RNF149: variants seen among roughly 807,000 people sequenced by gnomAD.
RNF149 encodes the protein E3 ubiquitin-protein ligase RNF149.
Under a neutral mutation model 39.0 loss-of-function variants are expected in RNF149, and 21 were observed. The ratio of observed to expected loss-of-function variants is 0.54; its 90% confidence interval spans 0.38 to 0.77. RNF149 has a LOEUF of 0.77. RNF149 is among the 30% of genes least tolerant of loss of function. The pLI is 0.00. For synonymous variants in RNF149, 209 were observed against 213.6 expected, an observed-to-expected ratio of 0.98 and a Z score of 0.19; for missense variants, 493 against 534.9, an observed-to-expected ratio of 0.92 and a Z score of 0.77.
rs575512430 is a variant in RNF149 at position 101,295,030 on chromosome 2, C to A, written c.612G>T (p.Val204=). ...EFISGQSVVF[V]AIAFITMMII... ...TCATCATGGTGATGAAGGCAATGGC[C>A]ACAAACACCACAGACTGACCGCTGA... The change falls in exon 2 of 7, where the codon GTG becomes GTT. Residue 204 remains valine (V), a synonymous_variant. Transcript: ENST00000295317. The A allele has an allele frequency of 2.7e-5, 43 of 1,614,118 alleles. No homozygotes were observed. In the South Asian group the frequency reaches 4.1e-4, roughly 15 times the overall value.
At chr2:101,290,540 CTT>C (rs1397866428) in intron 3 of RNF149, among the ~76,000 whole-genome samples, 3 of 152,010 alleles carry the variant, frequency 2.0e-5, no homozygotes, top group Non-Finnish European at 4.4e-5. Context: ...AAACATAAAA[CTT>C]ATAATAAAAA....
chr2:101,292,627 G>A (rs1472090832), intron 3 of RNF149, among the ~76,000 whole-genome samples: 28 of 152,150 alleles, frequency 1.8e-4, no homozygotes, highest in Admixed American at 1.6e-3. Context: ...TTAGCTGGGC[G>A]TGGTGGCAGG....
intron 3 of RNF149, among the ~76,000 whole-genome samples, chr2:101,289,445 G>A (rs1011785924): frequency 4.6e-5 from 7 of 151,910 alleles, no homozygotes; most frequent in African/African-American, 7.3e-5. Flanking sequence ...AGTGGTTCAC[G>A]CCTATAATCC....
At chr2:101,294,720 G>C (rs1161050161) in intron 2 of RNF149, 2 of 532,028 alleles carry the variant, frequency 3.8e-6, no homozygotes, top group Non-Finnish European at 6.6e-6. Context: ...ATGTGCAAAA[G>C]GTAACCCAGA....
At position 101,277,292 on chromosome 2, in the gene RNF149, G is replaced by A; in HGVS notation, c.1160-11C>T. On this transcript the variant is annotated splice_polypyrimidine_tract_variant and intron_variant, in intron 6 of 6. Coordinates refer to ENST00000295317, the MANE Select transcript of RNF149 (RefSeq NM_173647.4). ...CACTCCTGCCGGCTTCTGCAAGAGA[G>A]CAACATAAGCTACTCCATCAGAAGA... 6.2e-7 allele frequency: 1 copy of A among 1,611,494 alleles called. No individual in the cohort carries two copies. The highest frequency in any genetic ancestry group is 8.5e-7 in the Non-Finnish European group (1 of 1,178,742).
At position 101,308,684 on chromosome 2, in the gene RNF149, G is replaced by T; in HGVS notation, c.-96C>A. The T allele has an allele frequency of 8.6e-7, 1 of 1,163,386 alleles. No homozygotes were observed. Among genetic ancestry groups the T allele is most frequent in the Non-Finnish European group, 1.2e-6 (1 of 868,802 alleles). The allele number at this position is 1,163,386 out of a possible 1,614,324, so 72.1% of individuals were successfully genotyped here. On this transcript the variant is annotated 5_prime_UTR_variant, in exon 1 of 7. Coordinates refer to ENST00000295317, the MANE Select transcript of RNF149 (RefSeq NM_173647.4). ...GAAGCGGACACCCACCGCCGCCCTG[G>T]AAGACTGAGGCGGGGTCGGGGCCGC...
rs1396134542 is a variant in RNF149, at chr2:101,275,728, A to G, written c.*1510T>C. 1.1e-6 allele frequency: 1 copy of G among 917,560 alleles called. No individual in the cohort carries two copies. The highest frequency in any genetic ancestry group is 1.3e-6 in the Non-Finnish European group (1 of 768,452). 56.8% of individuals were successfully genotyped at this position (917,560 alleles called of 1,614,324 possible). Reference sequence around the variant, plus strand: ...AGTGCTGGGATTACAGGCGTGAGCCACCGCGCCCGGCCCTCCTAGTATTTC... The same window carrying G: ...AGTGCTGGGATTACAGGCGTGAGCCGCCGCGCCCGGCCCTCCTAGTATTTC... On this transcript the variant is annotated 3_prime_UTR_variant, in exon 7 of 7. Transcript: ENST00000295317.
In RNF149 at chr2:101,282,077, G is replaced by GA. The variant is rs755127339; in HGVS notation, c.961-21dup. On this transcript the variant is annotated intron_variant, in intron 5 of 6. Transcript: ENST00000295317. ...CTCTCCCTTGAGAATTAGAACAGAA[G>GA]AAAAAACATGATCAAAGCTTAAAAC... is the stretch of plus-strand genomic sequence containing the variant. The GA allele has an allele frequency of 1.2e-6, 2 of 1,611,436 alleles. No homozygotes were observed. The highest frequency in any genetic ancestry group is 1.7e-6 in the Non-Finnish European group (2 of 1,179,194).
intron 1 of RNF149, among the ~76,000 whole-genome samples, chr2:101,307,029 T>C (rs1683690511): frequency 1.3e-5 from 2 of 152,230 alleles, no homozygotes; most frequent in Non-Finnish European, 2.9e-5. Flanking sequence ...TAACAGAGTA[T>C]GTTCACTCTC....
downstream of RNF149, among the ~76,000 whole-genome samples, chr2:101,273,500 G>C (rs6710491): frequency 4.4e-3 from 643 of 144,756 alleles, 3 homozygotes; most frequent in African/African-American, 0.015. Flanking sequence ...TTTTTGACAG[G>C]GTCTCACTCT....
intron 1 of RNF149, chr2:101,307,916 A>G: frequency 1.0e-6 from 1 of 985,450 alleles, no homozygotes; most frequent in Non-Finnish European, 1.2e-6. Flanking sequence ...TCAAAGGCGA[A>G]GATCACATCT....
intron 1 of RNF149, among the ~76,000 whole-genome samples, chr2:101,297,348 GT>G (rs1474331444): frequency 1.3e-5 from 2 of 152,066 alleles, no homozygotes; most frequent in African/African-American, 4.8e-5. Flanking sequence ...AATAAAAACG[GT>G]TTTTTGTTTT....
chr2:101,285,085 A>C (rs1348943068), intron 5 of RNF149, among the ~76,000 whole-genome samples: 5 of 151,886 alleles, frequency 3.3e-5, no homozygotes, highest in Non-Finnish European at 7.4e-5. Context: ...TTTAGGAGAG[A>C]CAGGGTTTCA....
At chr2:101,296,620 T>TA (rs35994862) in intron 1 of RNF149, among the ~76,000 whole-genome samples, 6 of 152,074 alleles carry the variant, frequency 3.9e-5, no homozygotes, top group South Asian at 4.1e-4. Context: ...ATGAATTATT[T>TA]AAAAAATCAC....
chr2:101,284,992 T>C (rs1682739688), intron 5 of RNF149, among the ~76,000 whole-genome samples: 1 of 152,176 alleles, frequency 6.6e-6, no homozygotes, highest in Non-Finnish European at 1.5e-5. Flanking sequence ...CCTCCCAGAC[T>C]CATGCGATCC....
intron 1 of RNF149, among the ~76,000 whole-genome samples, chr2:101,307,485 T>C (rs1683711133): frequency 6.6e-6 from 1 of 152,178 alleles, no homozygotes; most frequent in South Asian, 2.1e-4. Flanking sequence ...GGCCCCAAGG[T>C]CTTTTCTTGA....
intron 1 of RNF149, chr2:101,307,764 TCCTACTCACC>T: frequency 7.3e-6 from 7 of 958,850 alleles, no homozygotes; most frequent in Non-Finnish European, 6.2e-6. Flanking sequence ...GAGTTTGGAT[TCCTACTCACC>T]CCTCCGACTT....
At chr2:101,295,977 T>G (rs1683217854) in intron 1 of RNF149, among the ~76,000 whole-genome samples, 1 of 151,838 alleles carries the variant, frequency 6.6e-6, no homozygotes, top group African/African-American at 2.4e-5. Context: ...AGCGAGACCT[T>G]GTCTCTACAA....
In RNF149 at chr2:101,288,825, T is replaced by C. The variant is rs150042123; in HGVS notation, c.863+148A>G. 1,271 of 581,352 alleles carry C rather than the reference T, an allele frequency of 2.2e-3. 9 individuals carry two copies. The African/African-American group carries it at 0.022, about 10-fold the overall frequency. 36.0% of individuals were successfully genotyped at this position (581,352 alleles called of 1,614,324 possible). A position where few individuals can be genotyped will look rare whatever the true frequency, so the allele number is the denominator to read the frequency against. ...ATCTTAAAGGGCAGGGAAGATATTA[T>C]ATTTAAAATCCAAGCTGCTTTTCTA... On this transcript the variant is annotated intron_variant, in intron 4 of 6. Coordinates refer to ENST00000295317, the MANE Select transcript of RNF149 (RefSeq NM_173647.4).
Sources: allele counts gnomAD v4.1 joint callset (sites outside exome capture counted in the v4.1 genomes callset), GRCh38; gene constraint gnomAD v4.1.1; transcripts MANE v1.5; gene names NCBI Gene and HGNC (gene_info 2026-07-23, HGNC 2026-07-21).